Variants in SLAIN2 observed in about 807,000 individuals in gnomAD.
SLAIN2 encodes the protein SLAIN family member 2, also known as SLAIN motif-containing protein 2.
Under a neutral mutation model 56.6 loss-of-function variants are expected in SLAIN2, and 31 were observed. The observed-to-expected ratio is 0.55, with a 90% CI of 0.41 to 0.74. The LOEUF (loss-of-function observed/expected upper bound fraction) is 0.74, where lower values mean the gene tolerates loss of function less well. Among genes scored for constraint, SLAIN2 ranks in the 30% least tolerant of loss-of-function variants. The probability of loss-of-function intolerance (pLI) is 0.00; values close to 1 mark genes in which losing one functional copy is unlikely to be tolerated. For missense variants in SLAIN2, 777 were observed against 754.2 expected (o/e 1.03, Z -0.35); for synonymous variants, 317 against 284.9 (o/e 1.11, Z -1.13).
intron 1 of SLAIN2, among the ~76,000 whole-genome samples, chr4:48,342,733 T>TTTTTTTTTTTTTA (rs1714753831): frequency 1.4e-5 from 2 of 147,370 alleles, no homozygotes; most frequent in African/African-American, 5.0e-5. Context: ...TTTTTTTTTT[T>TTTTTTTTTTTTTA]TTGTTACTCT....
chr4:48,394,660 A>G (rs1225195218), intron 6 of SLAIN2: 1 of 1,534,680 alleles, frequency 6.5e-7, no homozygotes, highest in Non-Finnish European at 8.7e-7. Context: ...AGAGGTAACT[A>G]CAGCCTCTTA....
chr4:48,410,146 G>A (rs1028445392), intron 6 of SLAIN2, among the ~76,000 whole-genome samples: 5 of 152,140 alleles, frequency 3.3e-5, no homozygotes, highest in African/African-American at 1.2e-4. Context: ...CTGGTGAAGT[G>A]TTGTAAAGTG....
In SLAIN2 at chr4:48,426,178, A is replaced by G. The variant is rs1016752220; in HGVS notation, c.*4101A>G. 1.3e-5 allele frequency: 2 copies of G among 151,958 alleles called. No homozygotes were observed. Among genetic ancestry groups the G allele is most frequent in the African/African-American group, 4.8e-5 (2 of 41,394 alleles). The allele number at this position is 151,958 out of a possible 1,614,324, so 9.4% of individuals were successfully genotyped here. On this transcript the variant is annotated 3_prime_UTR_variant, in exon 8 of 8. Coordinates refer to ENST00000264313, the MANE Select transcript of SLAIN2 (RefSeq NM_020846.2). ...TTTTTAAGGAGAAAATGTTTCTTTT[A>G]AATAAATGTTTCTTATGTAAAAATG...
intron 6 of SLAIN2, among the ~76,000 whole-genome samples, chr4:48,409,665 C>T (rs1416076808): frequency 6.6e-6 from 1 of 152,136 alleles, no homozygotes; most frequent in African/African-American, 2.4e-5. Flanking sequence ...GGGCAGATCA[C>T]CTGAGGTCAG....
chr4:48,382,784 A>G lies in SLAIN2; in HGVS notation c.1079A>G (p.Asn360Ser), dbSNP rs1231030264. 2 of 1,613,626 alleles carry G rather than the reference A, an allele frequency of 1.2e-6. No homozygotes were observed. The highest frequency in any genetic ancestry group is 8.5e-7 in the Non-Finnish European group (1 of 1,179,848). The change falls in exon 5 of 8, where the codon AAT (asparagine) becomes AGT (serine). Residue 360 changes from asparagine (N) to serine (S), a missense_variant. Transcript: ENST00000264313. The part of the protein sequence containing the change: ...PRPSPKQSPR[N>S]SPRSRSPARG... The stretch of plus-strand genomic sequence containing the variant: ...CCGTCACCTAAGCAGTCACCCAGAA[A>G]TTCACCTCGTTCACGATCTCCTGCT...
chr4:48,379,539 T>C (rs1715917545), intron 3 of SLAIN2, 151 bp from the exon 4 acceptor site: 2 of 605,224 alleles, frequency 3.3e-6, no homozygotes, highest in Non-Finnish European at 4.9e-6. Flanking sequence ...CTTAATGAGG[T>C]CAATTTCTAA....
At chr4:48,361,292 C>G (rs1715320668) in intron 1 of SLAIN2, among the ~76,000 whole-genome samples, 1 of 152,144 alleles carries the variant, frequency 6.6e-6, no homozygotes, top group African/African-American at 2.4e-5. Flanking sequence ...GCAAGGGGAA[C>G]AACATGCACA....
chr4:48,384,941 A>G (rs1716063671), intron 6 of SLAIN2, among the ~76,000 whole-genome samples: 1 of 152,234 alleles, frequency 6.6e-6, no homozygotes. Context: ...TAATGATACT[A>G]GCACAGTTAA....
chr4:48,342,020 C>G lies in SLAIN2; in HGVS notation c.281C>G (p.Ala94Gly). 2.1e-6 allele frequency: 3 copies of G among 1,413,396 alleles called. No individual in the cohort carries two copies. The highest frequency in any genetic ancestry group is 2.8e-6 in the Non-Finnish European group (3 of 1,088,828). The allele number at this position is 1,413,396 out of a possible 1,614,324, so 87.6% of individuals were successfully genotyped here. A position where few individuals can be genotyped will look rare whatever the true frequency, so the allele number is the denominator to read the frequency against. ...ACGAGTAGCGAAGAGCTGCGGGACG[C>G]CACCTCCTTGCTAGCGGCGGGCGAG... is the stretch of plus-strand genomic sequence containing the variant. ...RRTSSEELRD[A>G]TSLLAAGEGG... Residue 94 changes from alanine (A) to glycine (G), a missense_variant, in exon 1 of 8, where the codon GCC becomes GGC. Transcript: ENST00000264313.
rs187665904 is a variant in SLAIN2 at position 48,406,655 on chromosome 4, C to T, written c.1361-13470C>T. On this transcript the variant is annotated intron_variant, in intron 6 of 7. Coordinates refer to ENST00000264313, the MANE Select transcript of SLAIN2 (RefSeq NM_020846.2). ...TAAATACATGTTTGATGCCTAATGC[C>T]AGTTTATATGTCATTGTCTCATCAG... Among the ~76,000 whole-genome samples the T allele has an allele frequency of 7.8e-4, 119 of 151,694 alleles. 1 individual carries two copies. Among genetic ancestry groups the T allele is most frequent in the Non-Finnish European group, 1.3e-3 (87 of 67,936 alleles).
chr4:48,404,894 A>G (rs545189081), intron 6 of SLAIN2, among the ~76,000 whole-genome samples: 2 of 152,126 alleles, frequency 1.3e-5, no homozygotes, highest in Non-Finnish European at 2.9e-5. Flanking sequence ...GCCGTGAAAC[A>G]TTTTTTCCAA....
intron 2 of SLAIN2, among the ~76,000 whole-genome samples, chr4:48,371,911 G>A (rs1218789851): frequency 1.3e-5 from 2 of 151,808 alleles, no homozygotes; most frequent in East Asian, 1.9e-4. Context: ...ACCGCACTCC[G>A]GCTTGGGTGA....
At chr4:48,355,640 A>G (rs1459982177) in intron 1 of SLAIN2, among the ~76,000 whole-genome samples, 1 of 152,174 alleles carries the variant, frequency 6.6e-6, no homozygotes, top group Non-Finnish European at 1.5e-5. Flanking sequence ...TTGTATAAAC[A>G]GAATACAGTA....
chr4:48,356,275 A>T (rs1316133436), intron 1 of SLAIN2, among the ~76,000 whole-genome samples: 1 of 152,188 alleles, frequency 6.6e-6, no homozygotes, highest in Non-Finnish European at 1.5e-5. Context: ...TAATGTTTAT[A>T]TGTATATATT....
At chr4:48,360,634 G>A (rs190745291) in intron 1 of SLAIN2, among the ~76,000 whole-genome samples, 17 of 152,146 alleles carry the variant, frequency 1.1e-4, no homozygotes, top group African/African-American at 3.6e-4. Context: ...GAAATAAAGT[G>A]TACTGTGGTT....
chr4:48,374,984 A>G (rs1715766125), intron 2 of SLAIN2, among the ~76,000 whole-genome samples: 2 of 152,196 alleles, frequency 1.3e-5, no homozygotes, highest in African/African-American at 2.4e-5. Flanking sequence ...GAGACATTAA[A>G]TGGGTGGTGT....
intron 6 of SLAIN2, among the ~76,000 whole-genome samples, chr4:48,390,391 G>C (rs1716209011): frequency 6.6e-6 from 1 of 152,108 alleles, no homozygotes. Flanking sequence ...ACAAAAATGA[G>C]GTTATGGGAC....
chr4:48,408,323 C>T (rs570595723), intron 6 of SLAIN2, among the ~76,000 whole-genome samples: 1 of 151,254 alleles, frequency 6.6e-6, no homozygotes, highest in Admixed American at 6.6e-5. Context: ...CAAGACAACC[C>T]TATCTCAAAA....
chr4:48,383,058 C>A, intron 5 of SLAIN2, 131 bp downstream of exon 5: 1 of 932,630 alleles, frequency 1.1e-6, no homozygotes, highest in Non-Finnish European at 1.5e-6. Context: ...GTCCTAGTGA[C>A]TTGAGAGGCT....
Sources: gnomAD v4.1 joint callset for allele counts (sites outside exome capture counted in the v4.1 genomes callset) on GRCh38, gnomAD v4.1.1 for gene constraint, MANE v1.5 for transcripts, NCBI Gene and HGNC (gene_info 2026-07-23, HGNC 2026-07-21) for gene names.